Variants in SNX29 observed in about 807,000 individuals in gnomAD.
SNX29 encodes the protein sorting nexin-29.
Under a neutral mutation model 102.1 loss-of-function variants are expected in SNX29, and 78 were observed. That is an observed-to-expected ratio of 0.76 (90% CI 0.64 to 0.92). The LOEUF (loss-of-function observed/expected upper bound fraction) is 0.92, where lower values mean the gene tolerates loss of function less well. Ranked by LOEUF, SNX29 falls within the 40% of genes least tolerant of loss-of-function variation. The probability of loss-of-function intolerance (pLI) is 0.00; values close to 1 mark genes in which losing one functional copy is unlikely to be tolerated. For missense variants in SNX29, 1,280 were observed against 1,061.7 expected (o/e 1.21, Z -2.86); for synonymous variants, 580 against 414.5 (o/e 1.40, Z -4.85).
At chr16:12,558,127 A>G (rs1355738771) in intron 20 of SNX29, among the ~76,000 whole-genome samples, 2 of 152,240 alleles carry the variant, frequency 1.3e-5, no homozygotes, top group African/African-American at 4.8e-5. Context: ...GACCAGCAGC[A>G]TTCAGGGATA....
rs530715790 is a variant in SNX29, at chr16:12,324,205, G to GA, written c.1783-31957dup. 2.6e-5 allele frequency among the ~76,000 whole-genome samples: 4 copies of GA among 151,968 alleles called. No homozygotes were observed. In the East Asian group the frequency reaches 7.8e-4, roughly 30 times the overall value. On this transcript the variant is annotated intron_variant, in intron 15 of 20. Coordinates refer to ENST00000566228, the MANE Select transcript of SNX29 (RefSeq NM_032167.5). ...GGGGGTCCCATGAGTTTACATTGAG[G>GA]ACAGCATCCTTGGAGCCTCAGAAAA...
intron 20 of SNX29, among the ~76,000 whole-genome samples, chr16:12,537,188 C>T (rs984893809): frequency 6.6e-6 from 1 of 152,150 alleles, no homozygotes; most frequent in Non-Finnish European, 1.5e-5. Context: ...ATCCCCCTGG[C>T]CAGCCCCTAA....
At chr16:12,145,489 G>C (rs1331384963) in intron 13 of SNX29, among the ~76,000 whole-genome samples, 1 of 152,088 alleles carries the variant, frequency 6.6e-6, no homozygotes, top group Non-Finnish European at 1.5e-5. Flanking sequence ...TTTCCCTTAA[G>C]TTAGGGTATT....
In SNX29 at chr16:11,976,832, G is replaced by A; in HGVS notation, c.7+19G>A. 3 of 1,370,234 alleles carry A rather than the reference G, an allele frequency of 2.2e-6. No individual in the cohort carries two copies. The highest frequency in any genetic ancestry group is 1.5e-5 in the African/African-American group (1 of 66,382). The allele number at this position is 1,370,234 out of a possible 1,614,324, so 84.9% of individuals were successfully genotyped here. ...ATGAGCGGTGAGTGGCGGCCCCGCC[G>A]CTGTCACCTGCCCCGGCCGCCCCGG... On this transcript the variant is annotated intron_variant, in intron 1 of 20. Transcript: ENST00000566228.
intron 14 of SNX29, among the ~76,000 whole-genome samples, chr16:12,203,480 T>G (rs1364575964): frequency 6.7e-6 from 1 of 149,996 alleles, no homozygotes; most frequent in Non-Finnish European, 1.5e-5. Context: ...GGTGGACTGG[T>G]GGCATTGGAG....
intron 13 of SNX29, among the ~76,000 whole-genome samples, chr16:12,131,045 A>G (rs1412008257): frequency 1.3e-5 from 2 of 152,248 alleles, no homozygotes; most frequent in Non-Finnish European, 2.9e-5. Flanking sequence ...GTCAAAGTGC[A>G]GCGCATTTGT....
At chr16:12,183,663 C>T (rs1347340875) in intron 13 of SNX29, among the ~76,000 whole-genome samples, 1 of 152,180 alleles carries the variant, frequency 6.6e-6, no homozygotes, top group African/African-American at 2.4e-5. Context: ...ACAACTCCAT[C>T]TGGAATAGGG....
chr16:12,377,653 A>G (rs2151410533), intron 16 of SNX29, among the ~76,000 whole-genome samples: 1 of 152,324 alleles, frequency 6.6e-6, no homozygotes, highest in East Asian at 1.9e-4. Flanking sequence ...ATCAACAGAT[A>G]GTAGTGCTGA....
At chr16:12,476,876 T>A (rs1317343855) in intron 18 of SNX29, among the ~76,000 whole-genome samples, 1 of 152,186 alleles carries the variant, frequency 6.6e-6, no homozygotes, top group Non-Finnish European at 1.5e-5. Flanking sequence ...TTCATGGTCA[T>A]AGAGGTTTTA....
intron 19 of SNX29, among the ~76,000 whole-genome samples, chr16:12,500,811 A>C (rs182566750): frequency 1.9e-4 from 29 of 152,290 alleles, no homozygotes; most frequent in African/African-American, 7.0e-4. Flanking sequence ...TTTGAGAAGC[A>C]CTGTTGTGTG....
chr16:12,013,543 C>T (rs1244776083), intron 3 of SNX29, among the ~76,000 whole-genome samples: 3 of 61,870 alleles, frequency 4.8e-5, no homozygotes, highest in Admixed American at 2.2e-4. Flanking sequence ...ATATATATAT[C>T]GAGAGAGGAG....
At chr16:11,990,151 G>A (rs747116636) in intron 1 of SNX29, among the ~76,000 whole-genome samples, 4 of 152,214 alleles carry the variant, frequency 2.6e-5, no homozygotes, top group Non-Finnish European at 5.9e-5. Flanking sequence ...TCAGTATGGC[G>A]GATTGGTGGC....
chr16:12,457,170 G>C (rs1446870101), intron 18 of SNX29, among the ~76,000 whole-genome samples: 1 of 152,204 alleles, frequency 6.6e-6, no homozygotes, highest in African/African-American at 2.4e-5. Context: ...CCCCTTTCCA[G>C]AATTGCTAAT....
rs371514854 is a variant in SNX29, at chr16:12,129,787, A to G, written c.1595+29A>G. 1.9e-4 allele frequency: 302 copies of G among 1,578,198 alleles called. 1 individual carries two copies. Among genetic ancestry groups the G allele is most frequent in the East Asian group, 1.6e-3 (72 of 43,824 alleles). On this transcript the variant is annotated intron_variant, in intron 13 of 20. Coordinates refer to ENST00000566228, the MANE Select transcript of SNX29 (RefSeq NM_032167.5). ...GGAGAGGGTGAGGGATGGAGAGGTA[A>G]GCACGTGGGGGCTTCATTAAAACCT... is the stretch of plus-strand genomic sequence containing the variant.
chr16:12,521,956 G>T (rs899558883), intron 19 of SNX29, among the ~76,000 whole-genome samples: 1 of 152,208 alleles, frequency 6.6e-6, no homozygotes, highest in Non-Finnish European at 1.5e-5. Context: ...TCTCAGCAGT[G>T]TTTGAGAGCT....
At chr16:12,203,989 CACCTTACCTGG>C (rs1280715220) in intron 14 of SNX29, among the ~76,000 whole-genome samples, 3 of 152,182 alleles carry the variant, frequency 2.0e-5, no homozygotes, top group Admixed American at 1.3e-4. Flanking sequence ...CTTGGCCTGG[CACCTTACCTGG>C]ATGGCTCTGG....
Position 12,568,734 on chromosome 16 carries a change from G to A in SNX29, c.*105G>A, listed in dbSNP as rs541214551. The A allele has an allele frequency of 3.4e-6, 5 of 1,473,140 alleles. No homozygotes were observed. The South Asian group carries it at 5.2e-5, about 15-fold the overall frequency. 91.3% of individuals were successfully genotyped at this position (1,473,140 alleles called of 1,614,324 possible). On this transcript the variant is annotated 3_prime_UTR_variant, in exon 21 of 21. Coordinates refer to ENST00000566228, the MANE Select transcript of SNX29 (RefSeq NM_032167.5). ...TCAGCGTGACAACCACGTCCACCTG[G>A]TGATCCTGAGAGCACACGATTCCCA... is the stretch of plus-strand genomic sequence containing the variant.
chr16:12,267,904 C>T (rs143904489), intron 14 of SNX29, among the ~76,000 whole-genome samples: 1 of 152,194 alleles, frequency 6.6e-6, no homozygotes, highest in Non-Finnish European at 1.5e-5. Flanking sequence ...CCCTTACTGT[C>T]CCCTCTCTGG....
chr16:12,109,161 G>GA (rs2053402535), intron 11 of SNX29, among the ~76,000 whole-genome samples: 1 of 142,574 alleles, frequency 7.0e-6, no homozygotes, highest in Non-Finnish European at 1.5e-5. Context: ...AAAAAGAAAA[G>GA]GAATTTATTT....
Sources: gnomAD v4.1 joint callset for allele counts (sites outside exome capture counted in the v4.1 genomes callset) on GRCh38, gnomAD v4.1.1 for gene constraint, MANE v1.5 for transcripts, NCBI Gene and HGNC (gene_info 2026-07-23, HGNC 2026-07-21) for gene names.